CHST15: variants seen among roughly 807,000 people sequenced by gnomAD.
The protein encoded by CHST15 is B cell RAG associated protein (GALNAC4S-6ST).
In CHST15, 30 loss-of-function variants were observed where a neutral mutation model predicts 53.6. The ratio of observed to expected loss-of-function variants is 0.56; its 90% CI spans 0.42 to 0.76. The LOEUF (loss-of-function observed/expected upper bound fraction) is 0.76, where lower values mean the gene tolerates loss of function less well. Among genes scored for constraint, CHST15 ranks in the 30% least tolerant of loss-of-function variants. The pLI is 0.00. For missense variants in CHST15, 627 were observed against 740.5 expected, an observed-to-expected ratio of 0.85 and a Z score of 1.78; for synonymous variants, 296 against 289.8, an observed-to-expected ratio of 1.02 and a Z score of -0.22.
At chr10:124,027,769 G>C (rs1179514617) in intron 5 of CHST15, among the ~76,000 whole-genome samples, 8 of 152,194 alleles carry the variant, frequency 5.3e-5, no homozygotes, top group Non-Finnish European at 1.2e-4. Flanking sequence ...GAGAGGTTAA[G>C]GAGTTTGCCC....
intron 5 of CHST15, among the ~76,000 whole-genome samples, chr10:124,022,048 CG>C (rs1946808961): frequency 6.6e-6 from 1 of 152,240 alleles, no homozygotes; most frequent in Non-Finnish European, 1.5e-5. Flanking sequence ...ACCACACACA[CG>C]TATGGCAGAA....
chr10:124,062,272 A>T (rs1262713999), intron 1 of CHST15, among the ~76,000 whole-genome samples: 1 of 152,198 alleles, frequency 6.6e-6, no homozygotes, highest in Non-Finnish European at 1.5e-5. Context: ...AGAGCGTTTG[A>T]CAGAGGCAGC....
rs775488609 is a variant in CHST15, at chr10:124,036,911, G to T, written c.1190+1604C>A. Among the ~76,000 whole-genome samples the T allele has an allele frequency of 6.6e-6, 1 of 152,164 alleles. No homozygotes were observed. Among genetic ancestry groups the T allele is most frequent in the Non-Finnish European group, 1.5e-5 (1 of 68,032 alleles). On this transcript the variant is annotated intron_variant, in intron 5 of 7. Transcript: ENST00000435907. The surrounding 1 kb of genome is among the most constrained non-coding windows in gnomAD (Gnocchi z 5.1). ...CGGGGCTGCCAGGACAAATCACCAC[G>T]AACTCGTGGTGCGTAATGACAGGAC...
In CHST15 at chr10:124,044,716, C is replaced by T. The variant is rs1947893291; in HGVS notation, c.750G>A (p.Leu250=). ...LAHAHGKHFR[L]RCLPHFYIIG... ...TGATGTAGAAGTGCGGCAGGCAGCG[C>T]AGGCGGAAGTGCTTCCCGTGCGCGT... The change falls in exon 3 of 8, where the codon CTG becomes CTA. Residue 250 remains leucine, a synonymous_variant. Transcript: ENST00000435907. The T allele has an allele frequency of 1.2e-6, 2 of 1,613,822 alleles. No individual in the cohort carries two copies.
At chr10:124,063,948 A>C (rs1948673067) in intron 1 of CHST15, among the ~76,000 whole-genome samples, 2 of 152,234 alleles carry the variant, frequency 1.3e-5, no homozygotes, top group South Asian at 4.1e-4. Context: ...CCTCAGTGCT[A>C]TGTAAACATG....
rs550674440 is a variant in CHST15 at position 124,053,030 on chromosome 10, C to CA, written c.-512-6307dup. ...CTTGGGCAACAGATCAAGAGTCTGCCAAAAAAAAAGAGTCTCTGGCCCATA... is the reference window on the plus strand; with the variant it reads ...CTTGGGCAACAGATCAAGAGTCTGCCAAAAAAAAAAGAGTCTCTGGCCCATA... On this transcript the variant is annotated intron_variant, in intron 1 of 7. Transcript: ENST00000435907. 2.5e-3 allele frequency among the ~76,000 whole-genome samples: 373 copies of CA among 148,628 alleles called. 4 individuals carry two copies. The highest frequency in any genetic ancestry group is 0.019 in the South Asian group (91 of 4,686).
intron 7 of CHST15, chr10:124,011,731 T>C: frequency 1.0e-6 from 1 of 985,426 alleles, no homozygotes; most frequent in Non-Finnish European, 1.2e-6. Flanking sequence ...ATCCACAGGC[T>C]GAGGGCAGGC....
chr10:124,053,773 C>G (rs762793737), intron 1 of CHST15, among the ~76,000 whole-genome samples: 2 of 152,028 alleles, frequency 1.3e-5, no homozygotes, highest in African/African-American at 4.8e-5. Context: ...CAAAAATTAG[C>G]TGGGTGTGGT....
chr10:124,029,375 T>C (rs1212321210), intron 5 of CHST15, among the ~76,000 whole-genome samples: 1 of 152,196 alleles, frequency 6.6e-6, no homozygotes, highest in Non-Finnish European at 1.5e-5. Context: ...GTTACAAACA[T>C]CCATGTTTGG....
At chr10:124,054,423 G>C (rs554576287) in intron 1 of CHST15, among the ~76,000 whole-genome samples, 1 of 152,108 alleles carries the variant, frequency 6.6e-6, no homozygotes, top group Non-Finnish European at 1.5e-5. Context: ...TGCATACAAC[G>C]TACATTCAAT....
In CHST15 at chr10:124,038,208, G is replaced by T. The variant is rs528310616; in HGVS notation, c.1190+307C>A. Among the ~76,000 whole-genome samples the T allele has an allele frequency of 5.4e-4, 82 of 151,496 alleles. 1 individual carries two copies. The highest frequency in any genetic ancestry group is 9.1e-4 in the Non-Finnish European group (62 of 67,942). Reference sequence around the variant, plus strand: ...TGCAGCCTCCGCCTCCTGGATTCAAGCGATTCTCCTGCCTCAGCCTCCCGA... The same window carrying T: ...TGCAGCCTCCGCCTCCTGGATTCAATCGATTCTCCTGCCTCAGCCTCCCGA... On this transcript the variant is annotated intron_variant, in intron 5 of 7. Transcript: ENST00000435907.
At chr10:124,082,835 G>A (rs1359645769) in intron 1 of CHST15, among the ~76,000 whole-genome samples, 1 of 152,234 alleles carries the variant, frequency 6.6e-6, no homozygotes. Flanking sequence ...CATTCTATGT[G>A]ATTCTGCTCA....
intron 1 of CHST15, among the ~76,000 whole-genome samples, chr10:124,049,511 C>A (rs1948119419): frequency 6.6e-6 from 1 of 152,204 alleles, no homozygotes; most frequent in African/African-American, 2.4e-5. Context: ...AAGTCAATCA[C>A]CAGTGGCTGA....
intron 1 of CHST15, among the ~76,000 whole-genome samples, chr10:124,081,008 C>A (rs1461913461): frequency 1.3e-5 from 2 of 152,182 alleles, no homozygotes; most frequent in African/African-American, 4.8e-5. Context: ...TCAAAGGAGA[C>A]TCCTGGGCCT....
At chr10:124,060,827 G>A (rs956698077) in intron 1 of CHST15, among the ~76,000 whole-genome samples, 1 of 152,282 alleles carries the variant, frequency 6.6e-6, no homozygotes, top group African/African-American at 2.4e-5. Context: ...GCAAGCTGTC[G>A]GGGCCAGCCT....
Position 124,009,242 on chromosome 10 carries a change from A to C in CHST15, c.*907T>G. 9.1e-7 allele frequency: 1 copy of C among 1,098,420 alleles called. No individual in the cohort carries two copies. Among genetic ancestry groups the C allele is most frequent in the African/African-American group, 1.6e-5 (1 of 60,892 alleles). 68.0% of individuals were successfully genotyped at this position (1,098,420 alleles called of 1,614,324 possible). The stretch of plus-strand genomic sequence containing the variant: ...TTTCCAAGAAGTGTTCAATTCCTTG[A>C]GGTTGCTCATTCTGGCATTAACAGC... On this transcript the variant is annotated 3_prime_UTR_variant, in exon 8 of 8. Transcript: ENST00000435907.
intron 2 of CHST15, among the ~76,000 whole-genome samples, chr10:124,045,135 A>AAAAAAAAAAC (rs1947943491): frequency 6.7e-6 from 1 of 148,370 alleles, no homozygotes; most frequent in Admixed American, 6.8e-5. Context: ...AAAAAAAAAA[A>AAAAAAAAAAC]AAAAAAAAAC....
chr10:124,035,126 A>AGGGACCCCGGCTCCGCCCCCTAACG lies in CHST15; in HGVS notation c.1190+3364_1190+3388dup, dbSNP rs1554906897. The stretch of plus-strand genomic sequence containing the variant: ...AGGGACCCCGGCTCCGCCCCCTAAC[A>AGGGACCCCGGCTCCGCCCCCTAACG]GGGACCCCGGCTCCGCCCCCTAACG... On this transcript the variant is annotated intron_variant, in intron 5 of 7. Coordinates refer to ENST00000435907, the MANE Select transcript of CHST15 (RefSeq NM_001270764.2). 7.7e-3 allele frequency among the ~76,000 whole-genome samples: 770 copies of AGGGACCCCGGCTCCGCCCCCTAACG among 100,498 alleles called. 12 individuals are homozygous for AGGGACCCCGGCTCCGCCCCCTAACG. Among genetic ancestry groups the AGGGACCCCGGCTCCGCCCCCTAACG allele is most frequent in the Admixed American group, 0.01 (110 of 10,860 alleles). The allele number at this position is 100,498 out of a possible 152,430, so 65.9% of individuals were successfully genotyped here. A position where few individuals can be genotyped will look rare whatever the true frequency, so the allele number is the denominator to read the frequency against.
In CHST15 at chr10:124,015,531, G is replaced by C. The variant is rs78694382; in HGVS notation, c.1348-3051C>G. 0.017 allele frequency among the ~76,000 whole-genome samples: 2,611 copies of C among 151,970 alleles called. 264 individuals carry two copies. The East Asian group carries it at 0.28, about 16-fold the overall frequency. The stretch of plus-strand genomic sequence containing the variant: ...AATCCCCACCGAGAGCCAAGGCTGA[G>C]CTGAGCACAGTCCCAGTCCCCACTT... On this transcript the variant is annotated intron_variant, in intron 6 of 7. Transcript: ENST00000435907.
Sources: allele counts gnomAD v4.1 joint callset (sites outside exome capture counted in the v4.1 genomes callset), GRCh38; gene constraint gnomAD v4.1.1; non-coding constraint Gnocchi (gnomAD v3.1); transcripts MANE v1.5; gene names NCBI Gene and HGNC (gene_info 2026-07-23, HGNC 2026-07-21).